The following LARGE1 variants were observed in gnomAD, a reference collection of about 807,000 sequenced individuals.
LARGE1 encodes xylosyl- and glucuronyltransferase LARGE1.
In LARGE1, 43 loss-of-function variants were observed where a neutral mutation model predicts 87.6. The observed-to-expected ratio is 0.49, with a 90% CI of 0.38 to 0.63. The LOEUF (loss-of-function observed/expected upper bound fraction) is 0.63. Among genes scored for constraint, LARGE1 ranks in the 30% least tolerant of loss-of-function variants. The pLI is 0.00. For synonymous variants in LARGE1, 434 were observed against 394.6 expected (o/e 1.10, Z -1.18); for missense variants, 802 against 1,000.2 (o/e 0.80, Z 2.67).
chr22:33,259,040 G>A (rs559586963), intron 11 of LARGE1, among the ~76,000 whole-genome samples: 1 of 152,036 alleles, frequency 6.6e-6, no homozygotes, highest in South Asian at 2.1e-4. Context: ...ACCACACCTG[G>A]CTAATATATT....
chr22:33,210,169 T>C (rs968209790), intron 11 of LARGE1, among the ~76,000 whole-genome samples: 3 of 152,220 alleles, frequency 2.0e-5, no homozygotes, highest in Non-Finnish European at 4.4e-5. Flanking sequence ...AGGCTGTCGC[T>C]TTCCATTAGC....
chr22:33,080,186 A>G, the LARGE1 span, among the ~76,000 whole-genome samples: 5 of 152,240 alleles, frequency 3.3e-5, no homozygotes, highest in African/African-American at 1.2e-4. Flanking sequence ...TAATTATTGC[A>G]AGCACTTATG....
chr22:33,312,438 C>CAA (rs370832626), intron 11 of LARGE1, among the ~76,000 whole-genome samples: 1,200 of 55,970 alleles, frequency 0.021, 34 homozygotes, highest in African/African-American at 0.063. Context: ...GACTCTGTCT[C>CAA]AAAAAAAAAA....
chr22:33,900,844 C>G (rs1156625547), intron 1 of LARGE1, among the ~76,000 whole-genome samples: 1 of 152,114 alleles, frequency 6.6e-6, no homozygotes, highest in African/African-American at 2.4e-5. Context: ...GTGAGGAGTT[C>G]AAGACTAGCT....
At chr22:33,296,568 T>TC (rs1933294508) in intron 12 of LARGE1, among the ~76,000 whole-genome samples, 1 of 143,236 alleles carries the variant, frequency 7.0e-6, no homozygotes, top group Non-Finnish European at 1.5e-5. Context: ...TTTTTTCTTT[T>TC]CTTTTTTTTT....
intron 6 of LARGE1, among the ~76,000 whole-genome samples, chr22:33,526,048 A>T (rs2071876935): frequency 6.6e-6 from 1 of 152,246 alleles, no homozygotes; most frequent in South Asian, 2.1e-4. Context: ...CTATCAACTG[A>T]TGAAAGCATT....
At chr22:33,255,970 C>T (rs1927242337) in intron 11 of LARGE1, among the ~76,000 whole-genome samples, 2 of 152,164 alleles carry the variant, frequency 1.3e-5, no homozygotes, top group South Asian at 4.1e-4. Context: ...TCTTCACCCC[C>T]TGCAGATTCC....
chr22:33,316,044 C>A (rs372462485), intron 11 of LARGE1, 41 bp downstream of exon 11: 142 of 1,605,870 alleles, frequency 8.8e-5, no homozygotes, highest in Non-Finnish European at 1.1e-4. Flanking sequence ...ATGTAACAGC[C>A]GCGGTGAGGA....
At chr22:33,089,371 C>CCTT in the LARGE1 span, among the ~76,000 whole-genome samples, 6,666 of 75,220 alleles carry the variant, frequency 0.089, 279 homozygotes, top group South Asian at 0.11. Context: ...TTCTTCTTCT[C>CCTT]CTTCTTCTTC....
chr22:33,323,378 C>A (rs1936936880), intron 10 of LARGE1, among the ~76,000 whole-genome samples: 1 of 152,190 alleles, frequency 6.6e-6, no homozygotes, highest in Non-Finnish European at 1.5e-5. Flanking sequence ...CAATTTAATC[C>A]TTCAGCACAC....
At chr22:33,189,748 G>T (rs1923679319) in intron 11 of LARGE1, among the ~76,000 whole-genome samples, 2 of 152,190 alleles carry the variant, frequency 1.3e-5, no homozygotes, top group Admixed American at 1.3e-4. Context: ...CAGCTGGGAA[G>T]AGAGGGCACA....
intron 11 of LARGE1, among the ~76,000 whole-genome samples, chr22:33,216,394 C>T (rs894667650): frequency 2.0e-5 from 3 of 151,860 alleles, no homozygotes; most frequent in Non-Finnish European, 4.4e-5. Flanking sequence ...TTAGGGAGGC[C>T]GAGGCAGGTA....
chr22:33,084,664 AAAAC>A, the LARGE1 span, among the ~76,000 whole-genome samples: 2 of 152,244 alleles, frequency 1.3e-5, no homozygotes, highest in South Asian at 2.1e-4. Context: ...CAAAAAAAAC[AAAAC>A]AAACAAACAG....
At chr22:33,459,870 C>A (rs1212594499) in intron 6 of LARGE1, among the ~76,000 whole-genome samples, 1 of 152,116 alleles carries the variant, frequency 6.6e-6, no homozygotes, top group Non-Finnish European at 1.5e-5. Context: ...CCCAATAGCA[C>A]CCAAGAACAA....
intron 11 of LARGE1, among the ~76,000 whole-genome samples, chr22:33,180,180 G>A (rs1923088300): frequency 6.6e-6 from 1 of 152,098 alleles, no homozygotes; most frequent in Non-Finnish European, 1.5e-5. Flanking sequence ...AAATTACCCA[G>A]TATCAGTTAT....
At chr22:33,680,138 A>C (rs2081713749) in intron 2 of LARGE1, among the ~76,000 whole-genome samples, 1 of 152,238 alleles carries the variant, frequency 6.6e-6, no homozygotes, top group African/African-American at 2.4e-5. Flanking sequence ...ATCCAGTTTT[A>C]AACACAGAGT....
At chr22:33,338,875 C>T (rs144968345) in intron 9 of LARGE1, among the ~76,000 whole-genome samples, 10 of 152,054 alleles carry the variant, frequency 6.6e-5, no homozygotes, top group Admixed American at 5.9e-4. Context: ...AGGCCGGGTG[C>T]GGTGGCTCAT....
chr22:33,399,669 C>T (rs978509789), intron 7 of LARGE1, among the ~76,000 whole-genome samples: 11 of 152,182 alleles, frequency 7.2e-5, no homozygotes, highest in African/African-American at 2.7e-4. Flanking sequence ...CTGCCTCAGC[C>T]TCCTGAGTAG....
chr22:33,134,193 AT>A, the LARGE1 span, among the ~76,000 whole-genome samples: 1 of 151,204 alleles, frequency 6.6e-6, no homozygotes, highest in Admixed American at 6.6e-5. Flanking sequence ...TCAATGAATG[AT>A]CTTGTGCCAG....
Sources: allele counts gnomAD v4.1 joint callset (sites outside exome capture counted in the v4.1 genomes callset), GRCh38; gene constraint gnomAD v4.1.1; transcripts MANE v1.5; gene names NCBI Gene and HGNC (gene_info 2026-07-23, HGNC 2026-07-21).